The following HECW2 variants were observed in gnomAD, a reference collection of about 807,000 sequenced individuals.
The protein encoded by HECW2 is HECT, C2 and WW domain containing E3 ubiquitin protein ligase 2.
A neutral mutation model predicts 175.2 loss-of-function variants in HECW2; 61 were observed. The observed-to-expected ratio is 0.35, with a 90% CI of 0.28 to 0.43. The LOEUF is 0.43. Ranked by LOEUF, HECW2 falls within the 20% of genes least tolerant of loss-of-function variation. HECW2 has a pLI of 1.00. For missense variants in HECW2, 1,524 were observed against 2,000.5 expected (o/e 0.76, Z 4.54); for synonymous variants, 671 against 731.0 (o/e 0.92, Z 1.32).
intron 2 of HECW2, among the ~76,000 whole-genome samples, chr2:196,345,976 T>C (rs570005930): frequency 6.6e-6 from 1 of 152,306 alleles, no homozygotes; most frequent in South Asian, 2.1e-4. Context: ...ACATAGGAGA[T>C]AGAGGGTGTC....
chr2:196,295,593 G>A (rs1378622), intron 13 of HECW2, among the ~76,000 whole-genome samples: 10,653 of 152,158 alleles, frequency 0.07, 429 homozygotes, highest in East Asian at 0.14. Flanking sequence ...TTCTAAATAG[G>A]TATACCTCTT....
At chr2:196,356,804 A>G (rs1693384545) in intron 2 of HECW2, among the ~76,000 whole-genome samples, 1 of 152,214 alleles carries the variant, frequency 6.6e-6, no homozygotes, top group South Asian at 2.1e-4. Flanking sequence ...TACTGTGCCT[A>G]ATTTATAAAG....
At chr2:196,382,440 C>T (rs921506722) in intron 2 of HECW2, among the ~76,000 whole-genome samples, 4 of 151,202 alleles carry the variant, frequency 2.6e-5, no homozygotes, top group Non-Finnish European at 2.9e-5. Flanking sequence ...ATTACTTAAT[C>T]GAAAAAAGGC....
chr2:196,324,377 T>C (rs1348670861), intron 6 of HECW2, among the ~76,000 whole-genome samples: 1 of 152,286 alleles, frequency 6.6e-6, no homozygotes. Context: ...CTAAGATGAC[T>C]GGTAGCATAC....
chr2:196,223,761 A>G (rs1191695340), intron 23 of HECW2, among the ~76,000 whole-genome samples: 1 of 152,234 alleles, frequency 6.6e-6, no homozygotes, highest in Non-Finnish European at 1.5e-5. Flanking sequence ...GGTGGTTATC[A>G]TTAGAGGGTA....
intron 21 of HECW2, among the ~76,000 whole-genome samples, chr2:196,230,084 A>G (rs990891826): frequency 1.3e-5 from 2 of 152,196 alleles, no homozygotes; most frequent in African/African-American, 4.8e-5. Context: ...TAGGTGACAC[A>G]ATGGACCTGC....
At chr2:196,555,985 A>G (rs996946408) in intron 1 of HECW2, among the ~76,000 whole-genome samples, 4 of 152,150 alleles carry the variant, frequency 2.6e-5, no homozygotes, top group African/African-American at 7.2e-5. Flanking sequence ...ACAATCTTCC[A>G]TCAAGGCCAC....
chr2:196,358,200 C>T lies in HECW2; in HGVS notation c.293-14436G>A, dbSNP rs181194333. On this transcript the variant is annotated intron_variant, in intron 2 of 28. Coordinates refer to ENST00000644978, the MANE Select transcript of HECW2 (RefSeq NM_001348768.2). ...CTATAAAATGATAGTAATCACACTT[C>T]GGCTCAGAAAGCTGTGAGGAGTACA... Among the ~76,000 whole-genome samples, 76 of 152,214 alleles carry T rather than the reference C, an allele frequency of 5.0e-4. 2 individuals carry two copies. The highest frequency in any genetic ancestry group is 4.8e-3 in the Admixed American group (73 of 15,278).
chr2:196,319,349 T>C lies in HECW2; in HGVS notation c.1541A>G (p.Glu514Gly). The change falls in exon 9 of 29, where the codon GAG becomes GGG. Residue 514 changes from glutamate (E) to glycine (G), a missense_variant. Around this residue, in one of 11 missense-constraint regions of HECW2, gnomAD observed 604 missense variants for 588.3 expected, o/e 1.03. Coordinates refer to ENST00000644978, the MANE Select transcript of HECW2 (RefSeq NM_001348768.2). ...TTCGTGTGTGGAGGCTTCCTCATTC[T>C]CAACAGGGTTGTCCTCCAGCTTTGT... ...SQTKLEDNPV[E>G]NEEASTHEAA... 1 of 1,614,198 alleles carries C rather than the reference T, an allele frequency of 6.2e-7. No individual in the cohort carries two copies. The highest frequency in any genetic ancestry group is 1.1e-5 in the South Asian group (1 of 91,066).
chr2:196,275,492 A>AC (rs1488374308), intron 15 of HECW2, among the ~76,000 whole-genome samples: 2 of 152,092 alleles, frequency 1.3e-5, no homozygotes, highest in Admixed American at 6.6e-5. Context: ...GGTGGCTCAC[A>AC]CCTATAATCC....
chr2:196,288,634 C>G (rs551272159), intron 14 of HECW2: 1 of 152,310 alleles, frequency 6.6e-6, no homozygotes, highest in South Asian at 2.1e-4. Flanking sequence ...CATCAATTAA[C>G]AAATCTGTAT....
Position 196,230,297 on chromosome 2 carries a change from G to A in HECW2, c.3765-2043C>T, listed in dbSNP as rs547440205. On this transcript the variant is annotated intron_variant, in intron 21 of 28. Transcript: ENST00000644978. The stretch of plus-strand genomic sequence containing the variant: ...CGCTGACCTACTTCTGGCCTGTGAC[G>A]CCGCCAGGAACAAATAGAATATTTC... 3.2e-3 allele frequency among the ~76,000 whole-genome samples: 483 copies of A among 152,304 alleles called. 4 individuals are homozygous for A. The highest frequency in any genetic ancestry group is 5.0e-3 in the South Asian group (24 of 4,830).
At chr2:196,561,687 C>A (rs1375957999) in intron 1 of HECW2, among the ~76,000 whole-genome samples, 3 of 152,108 alleles carry the variant, frequency 2.0e-5, no homozygotes, top group Non-Finnish European at 2.9e-5. Context: ...TAGAAAAGAA[C>A]CTATGTTGAA....
intron 26 of HECW2, 102 bp downstream of exon 26, chr2:196,219,937 A>T (rs1368945089): frequency 2.8e-6 from 2 of 721,328 alleles, no homozygotes; most frequent in Non-Finnish European, 4.9e-6. Flanking sequence ...CTATGATTAG[A>T]GTCCAAGTGC....
intron 23 of HECW2, among the ~76,000 whole-genome samples, chr2:196,223,396 T>A (rs1450423137): frequency 6.6e-6 from 1 of 152,090 alleles, no homozygotes; most frequent in South Asian, 2.1e-4. Flanking sequence ...GATGCCTACA[T>A]TAAATCTTTC....
rs146512769 is a variant in HECW2 at position 196,503,811 on chromosome 2, G to A, written c.-35-70353C>T. Reference sequence around the variant, plus strand: ...AACACAAAAGTTTCAAAAATAAGCCGCAGCATTTTAAAAGTTGTTTATTAA... The same window carrying A: ...AACACAAAAGTTTCAAAAATAAGCCACAGCATTTTAAAAGTTGTTTATTAA... On this transcript the variant is annotated intron_variant, in intron 1 of 28. Transcript: ENST00000644978. Among the ~76,000 whole-genome samples, 754 of 152,204 alleles carry A rather than the reference G, an allele frequency of 5.0e-3. 4 individuals carry two copies. Among genetic ancestry groups the A allele is most frequent in the African/African-American group, 0.016 (660 of 41,524 alleles).
chr2:196,358,110 T>C (rs1360741323), intron 2 of HECW2, among the ~76,000 whole-genome samples: 1 of 152,200 alleles, frequency 6.6e-6, no homozygotes, highest in East Asian at 1.9e-4. Context: ...ATTCCATTTC[T>C]CCCATTCGCT....
chr2:196,566,281 CAAA>C (rs34450556), intron 1 of HECW2, among the ~76,000 whole-genome samples: 46 of 136,108 alleles, frequency 3.4e-4, no homozygotes, highest in Non-Finnish European at 3.2e-4. Flanking sequence ...CAAAAATAAG[CAAA>C]AAAAAAAAAA....
chr2:196,561,074 G>A (rs930619344), intron 1 of HECW2, among the ~76,000 whole-genome samples: 3 of 152,214 alleles, frequency 2.0e-5, no homozygotes, highest in Non-Finnish European at 4.4e-5. Context: ...AGGCAGGACA[G>A]AGCCACATTT....
Sources: gnomAD v4.1 joint callset for allele counts (sites outside exome capture counted in the v4.1 genomes callset) on GRCh38, gnomAD v4.1.1 for gene constraint, gnomAD v4.1.1 regional missense constraint, MANE v1.5 for transcripts, NCBI Gene and HGNC (gene_info 2026-07-23, HGNC 2026-07-21) for gene names.